The following NRG1 variants were observed in gnomAD, a reference collection of about 807,000 sequenced individuals.
NRG1 encodes the protein neuregulin 1, also known as pro-neuregulin-1, membrane-bound isoform.
A neutral mutation model predicts 63.8 loss-of-function variants in NRG1; 18 were observed. The observed-to-expected ratio is 0.28, with a 90% confidence interval of 0.19 to 0.42. The LOEUF (loss-of-function observed/expected upper bound fraction) is 0.42. NRG1 is among the 10% of genes least tolerant of loss of function. The probability of loss-of-function intolerance (pLI) is 1.00; values close to 1 mark genes in which losing one functional copy is unlikely to be tolerated. For missense variants in NRG1, 762 were observed against 814.7 expected (o/e 0.94, Z 0.79); for synonymous variants, 302 against 301.3 (o/e 1.00, Z -0.02).
intron 1 of NRG1, among the ~76,000 whole-genome samples, chr8:32,193,078 A>G (rs1842645308): frequency 1.3e-5 from 2 of 152,214 alleles, no homozygotes; most frequent in Admixed American, 1.3e-4. Flanking sequence ...GGAATCATGA[A>G]TGAATGAACT....
chr8:32,642,532 T>C (rs1414213123), intron 5 of NRG1, among the ~76,000 whole-genome samples: 1 of 152,224 alleles, frequency 6.6e-6, no homozygotes, highest in Non-Finnish European at 1.5e-5. Context: ...TCCATTGGTG[T>C]ACTTTATCCT....
At chr8:32,531,169 A>T (rs994964169) in intron 1 of NRG1, among the ~76,000 whole-genome samples, 1 of 152,132 alleles carries the variant, frequency 6.6e-6, no homozygotes, top group Non-Finnish European at 1.5e-5. Flanking sequence ...GAGAAAAGAA[A>T]GAAAGAGATG....
intron 1 of NRG1, among the ~76,000 whole-genome samples, chr8:32,591,819 T>G (rs928750893): frequency 1.3e-5 from 2 of 152,130 alleles, no homozygotes; most frequent in Admixed American, 1.3e-4. Context: ...ACGTGACGAT[T>G]GAAAAACTGC....
intron 1 of NRG1, among the ~76,000 whole-genome samples, chr8:31,881,704 A>G (rs968762946): frequency 6.6e-6 from 1 of 152,210 alleles, no homozygotes; most frequent in African/African-American, 2.4e-5. Flanking sequence ...CGAATACACA[A>G]ATGATAAGAT....
intron 1 of NRG1, among the ~76,000 whole-genome samples, chr8:32,204,162 C>A (rs1395629517): frequency 6.6e-6 from 1 of 152,134 alleles, no homozygotes; most frequent in African/African-American, 2.4e-5. Context: ...ACAGCTGACT[C>A]AGTGAGATGG....
At chr8:32,123,101 G>T (rs1251172240) in intron 1 of NRG1, among the ~76,000 whole-genome samples, 1 of 151,994 alleles carries the variant, frequency 6.6e-6, no homozygotes, top group Non-Finnish European at 1.5e-5. Flanking sequence ...ACCTGGATCA[G>T]TGTACATTTG....
chr8:31,853,318 G>T (rs201219785), intron 1 of NRG1, among the ~76,000 whole-genome samples: 20,161 of 150,426 alleles, frequency 0.13, 1,706 homozygotes, highest in Non-Finnish European at 0.19. Flanking sequence ...CCTTGAATAG[G>T]TCCTTCACAT....
At chr8:32,558,154 T>A (rs16879555) in intron 1 of NRG1, among the ~76,000 whole-genome samples, 3 of 152,206 alleles carry the variant, frequency 2.0e-5, no homozygotes, top group African/African-American at 7.2e-5. Flanking sequence ...ATAGTCCCTG[T>A]GGCCTCTACG....
intron 1 of NRG1, among the ~76,000 whole-genome samples, chr8:32,219,392 A>G (rs1170698564): frequency 6.6e-6 from 1 of 152,220 alleles, no homozygotes; most frequent in Admixed American, 6.5e-5. Context: ...GCTCATTAAC[A>G]AAGCCGTTTC....
chr8:31,917,085 A>G (rs1205732527), intron 1 of NRG1, among the ~76,000 whole-genome samples: 4 of 144,400 alleles, frequency 2.8e-5, no homozygotes, highest in South Asian at 2.3e-4. Flanking sequence ...ATTTGAGTTC[A>G]TTGTAGATTC....
chr8:32,405,518 A>G (rs1813835661), intron 1 of NRG1, among the ~76,000 whole-genome samples: 1 of 152,226 alleles, frequency 6.6e-6, no homozygotes, highest in African/African-American at 2.4e-5. Context: ...TCCTTCTTAG[A>G]AATATTTAAA....
intron 1 of NRG1, among the ~76,000 whole-genome samples, chr8:32,256,783 C>G (rs936296927): frequency 6.6e-6 from 1 of 152,168 alleles, no homozygotes; most frequent in Non-Finnish European, 1.5e-5. Flanking sequence ...CTTGAGGAGG[C>G]AGTCTGTCCC....
At chr8:32,357,040 G>C (rs1013624323) in intron 1 of NRG1, among the ~76,000 whole-genome samples, 1 of 152,146 alleles carries the variant, frequency 6.6e-6, no homozygotes, top group Non-Finnish European at 1.5e-5. Context: ...TTTAAATGCT[G>C]TTTCTTATGA....
chr8:32,178,937 A>G (rs1291445412), intron 1 of NRG1, among the ~76,000 whole-genome samples: 1 of 152,120 alleles, frequency 6.6e-6, no homozygotes, highest in Non-Finnish European at 1.5e-5. Flanking sequence ...GATGGACATA[A>G]GAAAGCAATC....
chr8:32,728,561 T>A (rs1421242884), intron 6 of NRG1: 3 of 985,078 alleles, frequency 3.0e-6, no homozygotes, highest in Non-Finnish European at 3.6e-6. Context: ...ACACTTGGGA[T>A]TGTCTTACTG....
chr8:31,793,419 G>A (rs2131674475), intron 1 of NRG1, among the ~76,000 whole-genome samples: 1 of 152,218 alleles, frequency 6.6e-6, no homozygotes, highest in East Asian at 1.9e-4. Flanking sequence ...TTCACTCAGT[G>A]ACTAATTTTC....
intron 1 of NRG1, among the ~76,000 whole-genome samples, chr8:31,759,238 A>T (rs1245693024): frequency 2.6e-5 from 4 of 152,130 alleles, no homozygotes; most frequent in African/African-American, 9.6e-5. Context: ...ATAATTTTAA[A>T]ATATTGATAA....
intron 1 of NRG1, among the ~76,000 whole-genome samples, chr8:32,155,417 C>G (rs980628762): frequency 2.0e-5 from 3 of 151,892 alleles, no homozygotes; most frequent in African/African-American, 7.3e-5. Context: ...ATTTTTTTTC[C>G]AAGATGAAAG....
At chr8:32,429,284 T>C (rs1232533998) in intron 1 of NRG1, among the ~76,000 whole-genome samples, 2 of 152,208 alleles carry the variant, frequency 1.3e-5, no homozygotes, top group Non-Finnish European at 2.9e-5. Context: ...AACAATGCCC[T>C]CAGGCTTAGT....
Sources: allele counts gnomAD v4.1 joint callset (sites outside exome capture counted in the v4.1 genomes callset), GRCh38; gene constraint gnomAD v4.1.1; transcripts MANE v1.5; gene names NCBI Gene and HGNC (gene_info 2026-07-23, HGNC 2026-07-21).